BTN2A1: variants seen among roughly 807,000 people sequenced by gnomAD.
The protein encoded by BTN2A1 is butyrophilin subfamily 2 member A1, also known as butyrophilin, subfamily 2, member A1.
In BTN2A1, 41 loss-of-function variants were observed where a neutral mutation model predicts 34.5. The observed-to-expected ratio is 1.19, with a 90% confidence interval of 0.93 to 1.54. The LOEUF (loss-of-function observed/expected upper bound fraction) is 1.54, where lower values mean the gene tolerates loss of function less well. Among genes scored for constraint, BTN2A1 ranks in the 40% most tolerant of loss-of-function variants. The pLI is 0.00. For synonymous variants in BTN2A1, 267 were observed against 258.6 expected, an observed-to-expected ratio of 1.03 and a Z score of -0.31; for missense variants, 642 against 662.0, an observed-to-expected ratio of 0.97 and a Z score of 0.33.
In BTN2A1 at chr6:26,467,639, G is replaced by A. The variant is rs528741227; in HGVS notation, c.983-309G>A. The A allele has an allele frequency of 7.0e-6, 10 of 1,419,374 alleles. No homozygotes were observed. In the East Asian group the frequency reaches 2.5e-4, roughly 35 times the overall value. The allele number at this position is 1,419,374 out of a possible 1,614,324, so 87.9% of individuals were successfully genotyped here. A position where few individuals can be genotyped will look rare whatever the true frequency, so the allele number is the denominator to read the frequency against. On this transcript the variant is annotated intron_variant, in intron 7 of 7. Transcript: ENST00000312541. ...AGATCATATGTCTTGGATAGAAAAG[G>A]GAACACATCTTAGAATGCTGAGAGA...
intron 5 of BTN2A1, 135 bp downstream of exon 5, chr6:26,465,541 AAAAG>A: frequency 1.3e-5 from 11 of 847,734 alleles, no homozygotes; most frequent in South Asian, 1.8e-5. Context: ...ATTAAAAAAA[AAAAG>A]AAAAGAAAAA....
At chr6:26,467,284 C>T (rs1404915307) in intron 7 of BTN2A1, among the ~76,000 whole-genome samples, 1 of 152,040 alleles carries the variant, frequency 6.6e-6, no homozygotes, top group East Asian at 1.9e-4. Flanking sequence ...AAAGAAAATC[C>T]CAGAGATCAT....
chr6:26,476,532 A>C, exon 8 of BTN2A1: 1 of 322,834 alleles, frequency 3.1e-6, no homozygotes. Flanking sequence ...GAGCCCAACC[A>C]CTTCGGCACA....
intron 1 of BTN2A1, 140 bp downstream of exon 1, chr6:26,458,282 C>T (rs931222757): frequency 2.8e-5 from 7 of 248,442 alleles, no homozygotes; most frequent in African/African-American, 1.1e-4. Flanking sequence ...CTGTCTTTGC[C>T]TCAGGCTGCC....
chr6:26,472,389 T>A (rs749566910), downstream of BTN2A1, among the ~76,000 whole-genome samples: 10 of 152,138 alleles, frequency 6.6e-5, no homozygotes, highest in Non-Finnish European at 1.2e-4. Context: ...GAAAAGTAGA[T>A]CTGTTATTGA....
downstream of BTN2A1, among the ~76,000 whole-genome samples, chr6:26,470,668 TTC>T (rs149184891): frequency 2.7e-4 from 40 of 150,534 alleles, no homozygotes; most frequent in Middle Eastern, 3.4e-3. Context: ...GAAAGGTGAA[TTC>T]TCTCTCTCTC....
At chr6:26,473,665 ATCTTC>A (rs1293878648), downstream of BTN2A1, among the ~76,000 whole-genome samples, 3 of 152,288 alleles carry the variant, frequency 2.0e-5, no homozygotes, top group East Asian at 3.9e-4. Flanking sequence ...ATTAATACCT[ATCTTC>A]TCTTCTTAAA....
At chr6:26,473,824 GAGGT>G (rs1763490665), downstream of BTN2A1, among the ~76,000 whole-genome samples, 1 of 152,204 alleles carries the variant, frequency 6.6e-6, no homozygotes, top group Admixed American at 6.5e-5. Flanking sequence ...AACACTTTGA[GAGGT>G]AGGGCTGAAA....
In BTN2A1 at chr6:26,468,638, C is replaced by T; in HGVS notation, c.*89C>T. ...ACACCCCTGGTGGAAGACACGCCCT[C>T]CTCCCCTCTGGTCACACAAGAGAAC... On this transcript the variant is annotated 3_prime_UTR_variant, in exon 8 of 8. Coordinates refer to ENST00000312541, the MANE Select transcript of BTN2A1 (RefSeq NM_007049.5). The T allele has an allele frequency of 1.9e-6, 3 of 1,614,070 alleles. No individual in the cohort carries two copies. Among genetic ancestry groups the T allele is most frequent in the East Asian group, 2.2e-5 (1 of 44,882 alleles).
At position 26,465,273 on chromosome 6, in the gene BTN2A1, T is replaced by C. The variant is rs1378309880; in HGVS notation, c.801T>C (p.Tyr267=). Residue 267 remains tyrosine, a synonymous_variant, in exon 5 of 8, where the codon TAT becomes TAC. Transcript: ENST00000312541. ...ILMIPIAVCI[Y]WINKLQKEKK... is the part of the protein sequence containing the mutation. ...TGATACCCATTGCCGTATGCATCTA[T>C]TGGATCAACAAACTCCAAAAGGAAA... 1.5e-5 allele frequency: 24 copies of C among 1,613,986 alleles called. No homozygotes were observed. Among genetic ancestry groups the C allele is most frequent in the Non-Finnish European group, 1.9e-5 (23 of 1,179,982 alleles).
intron 4 of BTN2A1, among the ~76,000 whole-genome samples, chr6:26,464,716 T>G (rs1763261143): frequency 6.6e-6 from 1 of 152,164 alleles, no homozygotes; most frequent in Admixed American, 6.5e-5. Flanking sequence ...GAAAACACAT[T>G]AAACATGGCA....
chr6:26,465,453 G>A (rs958762616), intron 5 of BTN2A1, 47 bp downstream of exon 5: 3 of 1,569,838 alleles, frequency 1.9e-6, no homozygotes, highest in Non-Finnish European at 2.6e-6. Flanking sequence ...TCCCAGCACT[G>A]TGGGAGGCTG....
At chr6:26,476,134 G>A in exon 8 of BTN2A1, 1 of 1,536,260 alleles carries the variant, frequency 6.5e-7, no homozygotes, top group Non-Finnish European at 8.7e-7. Flanking sequence ...CCAGTTTGAA[G>A]CTTTATATAT....
intron 3 of BTN2A1, among the ~76,000 whole-genome samples, chr6:26,461,016 T>G (rs1763150409): frequency 6.6e-6 from 1 of 152,096 alleles, no homozygotes; most frequent in Non-Finnish European, 1.5e-5. Flanking sequence ...ACAGAGGAGG[T>G]GAGGACTAGG....
chr6:26,466,908 A>G (rs571994810), intron 7 of BTN2A1, among the ~76,000 whole-genome samples: 1 of 152,362 alleles, frequency 6.6e-6, no homozygotes, highest in East Asian at 1.9e-4. Flanking sequence ...AGAGGTCTGC[A>G]GAATGCCCGG....
chr6:26,467,905 G>T, intron 7 of BTN2A1, 43 bp from the exon 8 acceptor site: 1 of 1,589,712 alleles, frequency 6.3e-7, no homozygotes. Context: ...CAATCCCCAG[G>T]GTTCCTGAGA....
downstream of BTN2A1, among the ~76,000 whole-genome samples, chr6:26,473,918 T>C (rs117977466): frequency 9.5e-4 from 145 of 152,310 alleles, 6 homozygotes; most frequent in East Asian, 0.026. Flanking sequence ...CAGCAACTGA[T>C]GAGAAATGGT....
At chr6:26,463,135 T>A in intron 3 of BTN2A1, 109 bp from the exon 4 acceptor site, 1 of 1,302,794 alleles carries the variant, frequency 7.7e-7, no homozygotes, top group South Asian at 1.5e-5. Flanking sequence ...TTGTTTCCTA[T>A]CTCCCTCTTT....
At chr6:26,471,478 A>G (rs996322229), downstream of BTN2A1, among the ~76,000 whole-genome samples, 1 of 152,250 alleles carries the variant, frequency 6.6e-6, no homozygotes, top group African/African-American at 2.4e-5. Flanking sequence ...CCGTCATCCC[A>G]GCACTTTGGG....
Sources: gnomAD v4.1 joint callset for allele counts (sites outside exome capture counted in the v4.1 genomes callset) on GRCh38, gnomAD v4.1.1 for gene constraint, MANE v1.5 for transcripts, NCBI Gene and HGNC (gene_info 2026-07-23, HGNC 2026-07-21) for gene names.